The following CRYBG3 variants were observed in gnomAD, a reference collection of about 807,000 sequenced individuals.
CRYBG3 encodes the protein crystallin beta-gamma domain containing 3.
Under a neutral mutation model 244.2 loss-of-function variants are expected in CRYBG3, and 127 were observed. The observed-to-expected ratio is 0.52, with a 90% CI of 0.45 to 0.60. The LOEUF is 0.60. CRYBG3 is among the 20% of genes least tolerant of loss of function. CRYBG3 has a pLI of 0.00. For missense variants in CRYBG3, 3,325 were observed against 3,442.5 expected (o/e 0.97, Z 0.85); for synonymous variants, 1,132 against 1,195.8 (o/e 0.95, Z 1.10).
Position 97,875,678 on chromosome 3 carries a change from G to C in CRYBG3, c.4484G>C (p.Ser1495Thr), listed in dbSNP as rs1240102967. Residue 1495 changes from serine to threonine, a missense_variant, in exon 4 of 22, where the codon AGT (serine) becomes ACT (threonine). This residue lies in a region of CRYBG3 where 635 missense variants were observed against 771.7 expected (regional missense o/e 0.82). Coordinates refer to ENST00000389622, the MANE Select transcript of CRYBG3 (RefSeq NM_153605.4). ...CATGCACCTGGTACATCTAAAAGCA[G>C]TTTGTCTGATAGCCTTGTATGTATA... Reference protein sequence around the residue: ...DIHAPGTSKSSLSDSLVCISE... With the variant: ...DIHAPGTSKSTLSDSLVCISE... The C allele has an allele frequency of 4.1e-6, 5 of 1,232,948 alleles. No homozygotes were observed. Among genetic ancestry groups the C allele is most frequent in the Non-Finnish European group, 4.0e-6 (4 of 988,806 alleles). 76.4% of individuals were successfully genotyped at this position (1,232,948 alleles called of 1,614,324 possible). A position where few individuals can be genotyped will look rare whatever the true frequency, so the allele number is the denominator to read the frequency against.
rs780184710 is a variant in CRYBG3, at chr3:97,875,425, T to A, written c.4231T>A (p.Ser1411Thr). The A allele has an allele frequency of 1.4e-6, 2 of 1,397,142 alleles. No homozygotes were observed. Among genetic ancestry groups the A allele is most frequent in the Non-Finnish European group, 1.8e-6 (2 of 1,083,856 alleles). The allele number at this position is 1,397,142 out of a possible 1,614,324, so 86.5% of individuals were successfully genotyped here. ...AAAATCCCTATTTTCTGGAAATGGATCTGGACTGTCTGATAGTATAAATTT... is the reference window on the plus strand; with the variant it reads ...AAAATCCCTATTTTCTGGAAATGGAACTGGACTGTCTGATAGTATAAATTT... ...YQKSLFSGNG[S>T]GLSDSINLQE... is the part of the protein sequence containing the mutation. Residue 1411 changes from serine to threonine, a missense_variant, in exon 4 of 22, where the codon TCT becomes ACT. Ser to Thr is a moderately conservative substitution (Grantham distance 58). Coordinates refer to ENST00000389622, the MANE Select transcript of CRYBG3 (RefSeq NM_153605.4).
chr3:97,932,086 C>CCACTTGTG (rs1461080899), intron 17 of CRYBG3, among the ~76,000 whole-genome samples: 7 of 152,024 alleles, frequency 4.6e-5, no homozygotes, highest in Non-Finnish European at 8.8e-5. Context: ...AACTTTGCTT[C>CCACTTGTG]CACTTGTGCA....
At chr3:97,918,325 T>C (rs918185650) in intron 17 of CRYBG3, among the ~76,000 whole-genome samples, 1 of 152,216 alleles carries the variant, frequency 6.6e-6, no homozygotes, top group Non-Finnish European at 1.5e-5. Flanking sequence ...GGTTACATTC[T>C]AGAGGGGCAT....
At chr3:97,855,701 C>A (rs963306026) in intron 2 of CRYBG3, among the ~76,000 whole-genome samples, 2 of 151,990 alleles carry the variant, frequency 1.3e-5, no homozygotes, top group Non-Finnish European at 2.9e-5. Context: ...GCTGGGCGTC[C>A]GGGGAAGACA....
chr3:97,822,425 CG>C, intron 1 of CRYBG3, 70 bp downstream of exon 1: 3 of 1,340,542 alleles, frequency 2.2e-6, no homozygotes, highest in Non-Finnish European at 2.9e-6. Context: ...CCGGCCTGAC[CG>C]CCGGCAGCGG....
chr3:97,901,241 GA>G (rs2108241056), intron 15 of CRYBG3, among the ~76,000 whole-genome samples: 1 of 152,294 alleles, frequency 6.6e-6, no homozygotes, highest in South Asian at 2.1e-4. Flanking sequence ...ATAGAAGGAA[GA>G]GGGGGTGAGA....
chr3:97,880,778 G>T (rs114980474), intron 6 of CRYBG3, among the ~76,000 whole-genome samples: 99 of 152,234 alleles, frequency 6.5e-4, no homozygotes, highest in African/African-American at 2.3e-3. Flanking sequence ...GTATAGTTTC[G>T]TATAGACCAC....
In CRYBG3 at chr3:97,877,894, AAG is replaced by A. The variant is rs758280998; in HGVS notation, c.6703_6704del (p.Ser2235CysfsTer49). 1.2e-6 allele frequency: 2 copies of A among 1,614,146 alleles called. No individual in the cohort carries two copies. Among genetic ancestry groups the A allele is most frequent in the Non-Finnish European group, 1.7e-6 (2 of 1,180,014 alleles). ...DLTSKLHSSL[K>X]SAYHQYLQTS... Reference sequence around the variant, plus strand: ...TACTTCTAAACTACATTCTTCTTTAAAGAGTGCTTATCATCAGTATCTGCAGA... The same window carrying A: ...TACTTCTAAACTACATTCTTCTTTAAAGTGCTTATCATCAGTATCTGCAGA... On this transcript the variant is annotated frameshift_variant, in exon 4 of 22. Transcript: ENST00000389622. LOFTEE classifies it high-confidence loss of function.
At position 97,916,980 on chromosome 3, in the gene CRYBG3, T is replaced by C. The variant is rs180737655; in HGVS notation, c.8241+1244T>C. On this transcript the variant is annotated intron_variant, in intron 17 of 21. Transcript: ENST00000389622. ...TAGTCCATGTTTACTGGAAAGCAAT[T>C]TTTTAAACAATTTTTAGTGGCCAAA... Among the ~76,000 whole-genome samples the C allele has an allele frequency of 1.3e-3, 197 of 152,240 alleles. 1 individual carries two copies. Among genetic ancestry groups the C allele is most frequent in the African/African-American group, 4.5e-3 (186 of 41,542 alleles).
At chr3:97,927,826 TAG>T (rs1426746030) in intron 17 of CRYBG3, among the ~76,000 whole-genome samples, 4 of 151,940 alleles carry the variant, frequency 2.6e-5, no homozygotes, top group Admixed American at 2.6e-4. Context: ...CCCTAATCAG[TAG>T]AGAGATGCAA....
intron 2 of CRYBG3, among the ~76,000 whole-genome samples, chr3:97,862,578 AC>A (rs1289544423): frequency 6.6e-6 from 1 of 152,198 alleles, no homozygotes. Context: ...CATATAAATG[AC>A]CATTTTCAAA....
intron 17 of CRYBG3, chr3:97,924,395 A>G (rs757441076): frequency 6.6e-6 from 3 of 454,578 alleles, no homozygotes; most frequent in Non-Finnish European, 1.3e-5. Context: ...GAAAAAGCAC[A>G]AATGAATAAG....
At position 97,936,916 on chromosome 3, in the gene CRYBG3, G is replaced by GA. The variant is rs747532114; in HGVS notation, c.8505+12dup. The GA allele has an allele frequency of 6.2e-7, 1 of 1,609,782 alleles. No homozygotes were observed. Among genetic ancestry groups the GA allele is most frequent in the East Asian group, 2.2e-5 (1 of 44,746 alleles). On this transcript the variant is annotated intron_variant, in intron 19 of 21. Transcript: ENST00000389622. ...CTCCGTCCTATGAAGCAGGTAAGGAGAAAAGAACCATAAGATTCCAAATAG... is the reference window on the plus strand; with the variant it reads ...CTCCGTCCTATGAAGCAGGTAAGGAGAAAAAGAACCATAAGATTCCAAATAG...
At chr3:97,837,418 T>A (rs527579631) in intron 1 of CRYBG3, among the ~76,000 whole-genome samples, 1 of 152,100 alleles carries the variant, frequency 6.6e-6, no homozygotes, top group Admixed American at 6.5e-5. Context: ...AGTTTTACAG[T>A]AGTTGGGGAA....
At chr3:97,847,093 C>A (rs375661476) in intron 2 of CRYBG3, among the ~76,000 whole-genome samples, 3 of 152,090 alleles carry the variant, frequency 2.0e-5, no homozygotes, top group Admixed American at 1.3e-4. Context: ...CCAGATCTCA[C>A]GAGAACTCAC....
At chr3:97,923,552 GTATTC>G (rs2040007314) in intron 17 of CRYBG3, among the ~76,000 whole-genome samples, 2 of 151,484 alleles carry the variant, frequency 1.3e-5, no homozygotes, top group Non-Finnish European at 2.9e-5. Context: ...CTACTATTCG[GTATTC>G]TGAAGTTCTA....
chr3:97,937,662 G>A (rs1027110081), intron 19 of CRYBG3, among the ~76,000 whole-genome samples: 5 of 151,932 alleles, frequency 3.3e-5, no homozygotes, highest in African/African-American at 7.2e-5. Flanking sequence ...TGGTTGGATC[G>A]GGGTCTCTCC....
intron 17 of CRYBG3, among the ~76,000 whole-genome samples, chr3:97,930,576 C>T (rs1031049687): frequency 6.6e-6 from 1 of 151,988 alleles, no homozygotes; most frequent in Admixed American, 6.6e-5. Flanking sequence ...GTAGCCTGTC[C>T]ATCTTAGCTT....
intron 17 of CRYBG3, among the ~76,000 whole-genome samples, chr3:97,931,900 A>G (rs900277144): frequency 3.9e-5 from 6 of 151,928 alleles, no homozygotes; most frequent in African/African-American, 1.2e-4. Context: ...CGTTACTTCC[A>G]TTCTCTCTGT....
Sources: gnomAD v4.1 joint callset for allele counts (sites outside exome capture counted in the v4.1 genomes callset) on GRCh38, gnomAD v4.1.1 for gene constraint, gnomAD v4.1.1 regional missense constraint, MANE v1.5 for transcripts, NCBI Gene and HGNC (gene_info 2026-07-23, HGNC 2026-07-21) for gene names.